TRAPPC3L: variants seen among roughly 807,000 people sequenced by gnomAD.
TRAPPC3L encodes the protein trafficking protein particle complex subunit 3-like protein.
In TRAPPC3L, 23 loss-of-function variants were observed where a neutral mutation model predicts 23.7. The ratio of observed to expected loss-of-function variants is 0.97; its 90% CI spans 0.70 to 1.37. The LOEUF is 1.37. Ranked by LOEUF, TRAPPC3L falls within the 40% of genes most tolerant of loss-of-function variation. The pLI, the probability that TRAPPC3L is intolerant of heterozygous loss-of-function variation, is 0.00. For synonymous variants in TRAPPC3L, 81 were observed against 77.9 expected (o/e 1.04, Z -0.21); for missense variants, 212 against 216.8 (o/e 0.98, Z 0.14).
Position 116,500,781 on chromosome 6 carries a change from T to C in TRAPPC3L, c.241-115A>G, listed in dbSNP as rs907204279. 3.0e-5 allele frequency: 27 copies of C among 886,042 alleles called. No individual in the cohort carries two copies. The Middle Eastern group carries it at 9.1e-4, about 30-fold the overall frequency. 54.9% of individuals were successfully genotyped at this position (886,042 alleles called of 1,614,324 possible). On this transcript the variant is annotated intron_variant, in intron 3 of 4. Coordinates refer to ENST00000368602, the MANE Select transcript of TRAPPC3L (RefSeq NM_001139444.3). ...GCACAATGGTTAAGCACATGGAGTC[T>C]ATAGTCAGGAAGTCCGGCTTCACCC...
At chr6:116,513,805 C>T (rs1237893526) in intron 3 of TRAPPC3L, among the ~76,000 whole-genome samples, 2 of 152,202 alleles carry the variant, frequency 1.3e-5, no homozygotes, top group Non-Finnish European at 2.9e-5. Context: ...GGATGACTCT[C>T]TATTCTTAAG....
chr6:116,514,651 G>T (rs962078756), intron 3 of TRAPPC3L, among the ~76,000 whole-genome samples: 1 of 152,186 alleles, frequency 6.6e-6, no homozygotes, highest in Non-Finnish European at 1.5e-5. Context: ...TGCCAGTCCA[G>T]AGTTGGCATT....
chr6:116,543,218 G>T, intron 2 of TRAPPC3L, 85 bp downstream of exon 2: 1 of 972,592 alleles, frequency 1.0e-6, no homozygotes, highest in South Asian at 1.7e-5. Context: ...GTGAAATGAA[G>T]CAAAGGAAGT....
chr6:116,513,919 G>T (rs1464902296), intron 3 of TRAPPC3L, among the ~76,000 whole-genome samples: 1 of 152,114 alleles, frequency 6.6e-6, no homozygotes, highest in African/African-American at 2.4e-5. Flanking sequence ...TAGAACTAGT[G>T]GTTCGACCTC....
chr6:116,504,028 G>A (rs9387413), intron 3 of TRAPPC3L, among the ~76,000 whole-genome samples: 62,181 of 151,898 alleles, frequency 0.41, 13,522 homozygotes, highest in East Asian at 0.56. Context: ...AGATCAGAGC[G>A]GAACTGAAGG....
At chr6:116,504,382 ATAAT>A (rs1771969619) in intron 3 of TRAPPC3L, among the ~76,000 whole-genome samples, 1 of 152,210 alleles carries the variant, frequency 6.6e-6, no homozygotes, top group Non-Finnish European at 1.5e-5. Flanking sequence ...AATTGAGGCA[ATAAT>A]TAATAGCCTA....
At chr6:116,511,773 T>C (rs1180625348) in intron 3 of TRAPPC3L, 1 of 1,614,120 alleles carries the variant, frequency 6.2e-7, no homozygotes, top group Admixed American at 1.7e-5. Flanking sequence ...ATGGCTCTGC[T>C]GACCGTGGGA....
At chr6:116,541,216 A>T (rs1441466170) in intron 2 of TRAPPC3L, among the ~76,000 whole-genome samples, 1 of 152,168 alleles carries the variant, frequency 6.6e-6, no homozygotes, top group African/African-American at 2.4e-5. Context: ...AACAAGATAA[A>T]CTGAAAAACG....
intron 1 of TRAPPC3L, chr6:116,543,860 T>C (rs1294481872): frequency 1.4e-5 from 22 of 1,533,708 alleles, no homozygotes; most frequent in Non-Finnish European, 1.7e-5. Context: ...AACCCAAATG[T>C]AGCAGCAAAT....
chr6:116,511,840 G>C, intron 3 of TRAPPC3L: 1 of 1,614,044 alleles, frequency 6.2e-7, no homozygotes, highest in Non-Finnish European at 8.5e-7. Context: ...CTGAGAATAT[G>C]ACCTATGGGC....
intron 3 of TRAPPC3L, among the ~76,000 whole-genome samples, chr6:116,502,174 G>C (rs9387412): frequency 0.18 from 26,876 of 152,126 alleles, 2,499 homozygotes; most frequent in East Asian, 0.34. Context: ...GTAGAGAAGA[G>C]CTTAAATGAC....
intron 2 of TRAPPC3L, 24 bp from the exon 3 acceptor site, chr6:116,540,486 G>T (rs1048503008): frequency 1.3e-6 from 2 of 1,545,148 alleles, no homozygotes; most frequent in East Asian, 2.4e-5. Context: ...AAAGAGTGTG[G>T]TCTGAAAATT....
intron 2 of TRAPPC3L, among the ~76,000 whole-genome samples, chr6:116,541,854 T>C (rs1456588592): frequency 6.6e-6 from 1 of 152,210 alleles, no homozygotes; most frequent in African/African-American, 2.4e-5. Flanking sequence ...AGGGTATGTT[T>C]CTGCAAAGTA....
At chr6:116,533,737 C>A (rs1772893696) in intron 3 of TRAPPC3L, among the ~76,000 whole-genome samples, 1 of 152,194 alleles carries the variant, frequency 6.6e-6, no homozygotes. Flanking sequence ...AGGGACACTG[C>A]AGGAAGAAGG....
intron 3 of TRAPPC3L, among the ~76,000 whole-genome samples, chr6:116,507,687 G>T (rs1483500465): frequency 1.3e-5 from 2 of 152,192 alleles, no homozygotes; most frequent in Non-Finnish European, 2.9e-5. Flanking sequence ...GTGGGTCTTG[G>T]TTGCAGGTAT....
intron 3 of TRAPPC3L, among the ~76,000 whole-genome samples, chr6:116,502,109 G>A (rs1364855851): frequency 6.6e-6 from 1 of 152,140 alleles, no homozygotes; most frequent in East Asian, 1.9e-4. Flanking sequence ...TCCATTGCAA[G>A]GAAGGTAAAA....
intron 3 of TRAPPC3L, chr6:116,523,382 C>A (rs1177606480): frequency 1.3e-5 from 2 of 152,058 alleles, no homozygotes; most frequent in African/African-American, 4.8e-5. Flanking sequence ...TAAATGGTTT[C>A]TTTTTTCCAC....
rs1326001345 is a variant in TRAPPC3L, at chr6:116,543,414, G to C, written c.43-14C>G. On this transcript the variant is annotated splice_polypyrimidine_tract_variant and intron_variant, in intron 1 of 4. Transcript: ENST00000368602. ...GAGATCTTTATTCTGGAGAAAAAGG[G>C]GTAGTTTCTGGTTATAGGCAAGTTA... is the stretch of plus-strand genomic sequence containing the variant. 6.5e-7 allele frequency: 1 copy of C among 1,535,720 alleles called. No homozygotes were observed. The highest frequency in any genetic ancestry group is 1.4e-5 in the African/African-American group (1 of 72,550).
At chr6:116,526,311 G>A (rs1772438380) in intron 3 of TRAPPC3L, among the ~76,000 whole-genome samples, 1 of 152,154 alleles carries the variant, frequency 6.6e-6, no homozygotes, top group Admixed American at 6.5e-5. Context: ...AAAAAGAGAG[G>A]TAACTAGGAG....
Sources: allele counts gnomAD v4.1 joint callset (sites outside exome capture counted in the v4.1 genomes callset), GRCh38; gene constraint gnomAD v4.1.1; transcripts MANE v1.5; gene names NCBI Gene and HGNC (gene_info 2026-07-23, HGNC 2026-07-21).